SMG1: variants seen among roughly 807,000 people sequenced by gnomAD.
SMG1 encodes the protein serine/threonine-protein kinase SMG1.
Under a neutral mutation model 419.9 loss-of-function variants are expected in SMG1, and 22 were observed. The ratio of observed to expected loss-of-function variants is 0.05; its 90% confidence interval spans 0.04 to 0.07. The LOEUF (loss-of-function observed/expected upper bound fraction) is 0.07, where lower values mean the gene tolerates loss of function less well. SMG1 is among the 10% of genes least tolerant of loss of function. The pLI, the probability that SMG1 is intolerant of heterozygous loss-of-function variation, is 1.00. For synonymous variants in SMG1, 1,538 were observed against 1,553.5 expected (o/e 0.99, Z 0.23); for missense variants, 3,185 against 4,342.0 (o/e 0.73, Z 7.49).
chr16:18,853,576 A>G lies in SMG1; in HGVS notation c.4768+7T>C, dbSNP rs1567371055. 1.9e-6 allele frequency: 3 copies of G among 1,566,788 alleles called. No individual in the cohort carries two copies. The highest frequency in any genetic ancestry group is 4.6e-5 in the East Asian group (2 of 43,696). ...TTAATATTCTAAAGCTAATAAAGCA[A>G]CTCTACCTGTAGATTCACTCTCGAT... On this transcript the variant is annotated splice_region_variant and intron_variant, in intron 31 of 62. Transcript: ENST00000446231.
intron 62 of SMG1, 67 bp from the exon 63 acceptor site, chr16:18,809,713 T>G (rs1567304619): frequency 7.8e-7 from 1 of 1,286,598 alleles, no homozygotes; most frequent in Admixed American, 2.0e-5. Context: ...TGAATTACAA[T>G]CAGCAGACAA....
chr16:18,835,326 T>C (rs536947678), intron 48 of SMG1, among the ~76,000 whole-genome samples, 162 bp from the exon 49 acceptor site: 2 of 152,334 alleles, frequency 1.3e-5, no homozygotes, highest in South Asian at 4.1e-4. Context: ...CTAAAAGGAC[T>C]TGTTGATGAC....
In SMG1 at chr16:18,830,122, A is replaced by G. The variant is rs182606384; in HGVS notation, c.8944-7T>C. On this transcript the variant is annotated splice_polypyrimidine_tract_variant and splice_region_variant and intron_variant, in intron 52 of 62. Coordinates refer to ENST00000446231, the MANE Select transcript of SMG1 (RefSeq NM_015092.5). The stretch of plus-strand genomic sequence containing the variant: ...GAATTTCCATCTTGTTCAACTATGT[A>G]AATGAAAGAAAACAAAGTTCATTTC... 3.8e-5 allele frequency: 61 copies of G among 1,600,182 alleles called. No individual in the cohort carries two copies. In the Admixed American group the frequency reaches 1.0e-3, roughly 27 times the overall value.
chr16:18,857,030 G>A (rs896868001), intron 29 of SMG1: 1 of 152,184 alleles, frequency 6.6e-6, no homozygotes, highest in Non-Finnish European at 1.5e-5. Context: ...TATAACTGAA[G>A]AGGAAAGCAG....
intron 27 of SMG1, 63 bp downstream of exon 27, chr16:18,859,493 C>T (rs1408057576): frequency 2.6e-6 from 2 of 755,206 alleles, no homozygotes; most frequent in Middle Eastern, 3.6e-4. Context: ...GCCCTCTTCA[C>T]CCCATGTATG....
chr16:18,838,915 TA>T (rs997296239), intron 42 of SMG1, among the ~76,000 whole-genome samples: 18 of 152,200 alleles, frequency 1.2e-4, no homozygotes, highest in Admixed American at 4.6e-4. Flanking sequence ...GATGCTGGAT[TA>T]AAAAAAACAC....
chr16:18,861,031 G>A (rs1793755547), intron 25 of SMG1: 1 of 353,408 alleles, frequency 2.8e-6, no homozygotes, highest in African/African-American at 2.9e-5. Context: ...ACTCGCCCCT[G>A]TGTCTCCTTC....
intron 29 of SMG1, chr16:18,857,506 C>A (rs1426444308): frequency 6.6e-6 from 1 of 152,142 alleles, no homozygotes; most frequent in Non-Finnish European, 1.5e-5. Context: ...ATGAAATACA[C>A]TCAGCATCAT....
At position 18,849,338 on chromosome 16, in the gene SMG1, T is replaced by C. The variant is rs760010852; in HGVS notation, c.5502A>G (p.Glu1834=). The part of the protein sequence containing the change: ...PQLFSRLNHP[E]VYVRQSICNL... ...TACAAATACTTTGGCGCACATACAC[T>C]TCAGGGTGGTTTAAGCGTGAGAAAA... The change falls in exon 36 of 63, where the codon GAA becomes GAG. Residue 1834 remains glutamate, a synonymous_variant. Transcript: ENST00000446231. 3 of 1,613,634 alleles carry C rather than the reference T, an allele frequency of 1.9e-6. No homozygotes were observed. Among genetic ancestry groups the C allele is most frequent in the Non-Finnish European group, 2.5e-6 (3 of 1,179,714 alleles).
chr16:18,843,596 T>G (rs2141315921), intron 39 of SMG1, among the ~76,000 whole-genome samples: 1 of 152,332 alleles, frequency 6.6e-6, no homozygotes, highest in East Asian at 1.9e-4. Flanking sequence ...TGTGGTATTT[T>G]CATATAATAG....
intron 54 of SMG1, among the ~76,000 whole-genome samples, chr16:18,829,062 A>T (rs976518690): frequency 6.6e-6 from 1 of 152,230 alleles, no homozygotes; most frequent in African/African-American, 2.4e-5. Context: ...ATGGAAAGAA[A>T]TTCTAAGGAC....
rs907163417 is a variant in SMG1 at position 18,805,814 on chromosome 16, A to C, written c.*3755T>G. 6.6e-6 allele frequency: 1 copy of C among 152,270 alleles called. No individual in the cohort carries two copies. The highest frequency in any genetic ancestry group is 2.4e-5 in the African/African-American group (1 of 41,452). 9.4% of individuals were successfully genotyped at this position (152,270 alleles called of 1,614,324 possible). A position where few individuals can be genotyped will look rare whatever the true frequency, so the allele number is the denominator to read the frequency against. On this transcript the variant is annotated 3_prime_UTR_variant, in exon 63 of 63. Transcript: ENST00000446231. The stretch of plus-strand genomic sequence containing the variant: ...AGCTCAACAAGATAAAAAATTGAAC[A>C]CTGGTTTTCATACTCTAATTTTATG...
intron 1 of SMG1, 76 bp downstream of exon 1, chr16:18,925,874 C>T: frequency 8.6e-7 from 1 of 1,156,386 alleles, no homozygotes; most frequent in Non-Finnish European, 1.2e-6. Context: ...CGCCTCCCAG[C>T]CCCGCGGCCC....
chr16:18,890,728 A>G (rs1205636062), intron 5 of SMG1, 135 bp downstream of exon 5: 5 of 623,940 alleles, frequency 8.0e-6, no homozygotes, highest in South Asian at 7.6e-5. Flanking sequence ...ATGCAGATAA[A>G]AATGACAAGA....
At chr16:18,862,708 C>T (rs1371438600) in intron 25 of SMG1, among the ~76,000 whole-genome samples, 1 of 152,206 alleles carries the variant, frequency 6.6e-6, no homozygotes, top group Admixed American at 6.5e-5. Context: ...GATCACAACA[C>T]ATCTCTGTTC....
intron 10 of SMG1, among the ~76,000 whole-genome samples, chr16:18,881,449 A>G (rs2036393449): frequency 6.6e-6 from 1 of 152,206 alleles, no homozygotes; most frequent in African/African-American, 2.4e-5. Context: ...TCAATATCCT[A>G]TTTTATCTAG....
At chr16:18,858,639 C>T (rs528989502) in intron 28 of SMG1, 143 of 210,138 alleles carry the variant, frequency 6.8e-4, no homozygotes, top group Non-Finnish European at 8.8e-4. Context: ...ATGAAGTTCT[C>T]GAAGATCATC....
intron 60 of SMG1, among the ~76,000 whole-genome samples, chr16:18,813,118 C>T (rs1366813641): frequency 3.9e-5 from 6 of 152,106 alleles, no homozygotes; most frequent in Non-Finnish European, 8.8e-5. Context: ...TGAGTAGTGC[C>T]GCAATAAACA....
At chr16:18,827,497 C>CT (rs367961690) in intron 55 of SMG1, among the ~76,000 whole-genome samples, 7 of 122,742 alleles carry the variant, frequency 5.7e-5, no homozygotes, top group East Asian at 2.1e-4. Context: ...ATAAATATAC[C>CT]AAAATATATA....
Sources: gnomAD v4.1 joint callset for allele counts (sites outside exome capture counted in the v4.1 genomes callset) on GRCh38, gnomAD v4.1.1 for gene constraint, MANE v1.5 for transcripts, NCBI Gene and HGNC (gene_info 2026-07-23, HGNC 2026-07-21) for gene names.